PHC3: variants seen among roughly 807,000 people sequenced by gnomAD.
The protein encoded by PHC3 is polyhomeotic-like protein 3.
In PHC3, 13 loss-of-function variants were observed where a neutral mutation model predicts 107.4. The observed-to-expected ratio is 0.12, with a 90% CI of 0.08 to 0.19. PHC3 has a LOEUF of 0.19. Ranked by LOEUF, PHC3 falls within the 10% of genes least tolerant of loss-of-function variation. The pLI is 1.00. For synonymous variants in PHC3, 456 were observed against 427.4 expected (o/e 1.07, Z -0.83); for missense variants, 992 against 1,210.9 (o/e 0.82, Z 2.68).
chr3:170,127,854 A>G (rs1215843965), intron 8 of PHC3, among the ~76,000 whole-genome samples: 1 of 152,186 alleles, frequency 6.6e-6, no homozygotes, highest in East Asian at 1.9e-4. Flanking sequence ...ATGTTTAAAG[A>G]AAAGTATTTT....
chr3:170,116,486 A>G (rs146459255), intron 10 of PHC3, among the ~76,000 whole-genome samples: 1,853 of 152,154 alleles, frequency 0.012, 40 homozygotes, highest in African/African-American at 0.042. Context: ...AGAATCACCT[A>G]AACCTGGGAG....
chr3:170,109,022 A>G (rs1238067183), intron 11 of PHC3, among the ~76,000 whole-genome samples: 1 of 152,208 alleles, frequency 6.6e-6, no homozygotes, highest in Non-Finnish European at 1.5e-5. Context: ...GAAGCGAGGG[A>G]CATTAACAGA....
intron 3 of PHC3, among the ~76,000 whole-genome samples, chr3:170,171,964 A>G (rs1370565261): frequency 6.6e-6 from 1 of 152,220 alleles, no homozygotes; most frequent in Non-Finnish European, 1.5e-5. Context: ...ATAGTACAAT[A>G]GTAACAAAAA....
intron 2 of PHC3, among the ~76,000 whole-genome samples, chr3:170,175,825 G>A (rs1300548292): frequency 4.0e-5 from 6 of 151,898 alleles, no homozygotes; most frequent in African/African-American, 1.5e-4. Flanking sequence ...TCAGGAGGCT[G>A]AGGCAGGAGA....
chr3:170,098,465 G>A (rs1387713031), intron 14 of PHC3, among the ~76,000 whole-genome samples: 2 of 152,136 alleles, frequency 1.3e-5, no homozygotes, highest in South Asian at 4.1e-4. Context: ...AATTTTGCTA[G>A]TTCAATTATC....
chr3:170,131,067 A>G (rs1354560760), intron 7 of PHC3, among the ~76,000 whole-genome samples: 1 of 152,016 alleles, frequency 6.6e-6, no homozygotes, highest in Non-Finnish European at 1.5e-5. Flanking sequence ...AATTTTTGGA[A>G]TCCTTTAAAG....
At chr3:170,147,147 G>C in intron 5 of PHC3, 1 of 152,200 alleles carries the variant, frequency 6.6e-6, no homozygotes, top group East Asian at 1.9e-4. Context: ...TGGGATTACA[G>C]GCATGAGCCA....
chr3:170,101,376 T>C (rs1715448866), intron 14 of PHC3, among the ~76,000 whole-genome samples: 1 of 152,224 alleles, frequency 6.6e-6, no homozygotes, highest in African/African-American at 2.4e-5. Context: ...TTCCTAAATA[T>C]ATTTTCTTGT....
At chr3:170,168,683 G>A (rs1418084257) in intron 4 of PHC3, among the ~76,000 whole-genome samples, 1 of 151,254 alleles carries the variant, frequency 6.6e-6, no homozygotes, top group Non-Finnish European at 1.5e-5. Context: ...GAACTCGGGA[G>A]GCGGAGCTTG....
rs1714814534 is a variant in PHC3 at position 170,097,710 on chromosome 3, C to T, written c.2834-326G>A. ...TATGGTGTTACCTCAAAGCATGCCA[C>T]ATAACAGGTTTGGGTTAACTAGTTA... is the stretch of plus-strand genomic sequence containing the variant. On this transcript the variant is annotated intron_variant, in intron 14 of 14. Transcript: ENST00000495893. The surrounding 1 kb of genome is among the most constrained non-coding windows in gnomAD (Gnocchi z 4.1). Among the ~76,000 whole-genome samples the T allele has an allele frequency of 6.6e-6, 1 of 152,162 alleles. No homozygotes were observed. Among genetic ancestry groups the T allele is most frequent in the Admixed American group, 6.5e-5 (1 of 15,276 alleles).
At chr3:170,123,941 G>T (rs1720855333) in intron 8 of PHC3, among the ~76,000 whole-genome samples, 1 of 151,826 alleles carries the variant, frequency 6.6e-6, no homozygotes, top group Non-Finnish European at 1.5e-5. Context: ...CTGCCTCCTG[G>T]GTTCAAGCGA....
chr3:170,134,126 A>G (rs1335410493), intron 7 of PHC3, among the ~76,000 whole-genome samples: 1 of 152,012 alleles, frequency 6.6e-6, no homozygotes, highest in African/African-American at 2.4e-5. Context: ...TACAGAGAGC[A>G]GCGCCTAGCA....
chr3:170,100,505 T>C (rs1715298305), intron 14 of PHC3, among the ~76,000 whole-genome samples: 1 of 152,134 alleles, frequency 6.6e-6, no homozygotes, highest in African/African-American at 2.4e-5. Flanking sequence ...ATTTCATAAG[T>C]AAAGAAGAGA....
rs1721830178 is a variant in PHC3 at position 170,129,107 on chromosome 3, C to G, written c.1365G>C (p.Gln455His). The change falls in exon 8 of 15, where the codon CAG (glutamine) becomes CAC (histidine). Residue 455 changes from glutamine (Q) to histidine (H), a missense_variant. Around this residue, in one of 6 missense-constraint regions of PHC3, gnomAD observed 543 missense variants for 590.8 expected, o/e 0.92. Transcript: ENST00000495893. Reference protein sequence around the residue: ...GPNLQQSTANQVQATAQLNLP... With the variant: ...GPNLQQSTANHVQATAQLNLP... Reference sequence around the variant, plus strand: ...GATTCAACTGTGCTGTAGCTTGCACCTGATTAGCAGTGGACTGCTGCAAAT... The same window carrying G: ...GATTCAACTGTGCTGTAGCTTGCACGTGATTAGCAGTGGACTGCTGCAAAT... 6.2e-7 allele frequency: 1 copy of G among 1,612,776 alleles called. No homozygotes were observed. Among genetic ancestry groups the G allele is most frequent in the African/African-American group, 1.3e-5 (1 of 74,882 alleles).
intron 4 of PHC3, among the ~76,000 whole-genome samples, chr3:170,160,545 A>G (rs1189779123): frequency 1.3e-5 from 2 of 152,218 alleles, no homozygotes; most frequent in Non-Finnish European, 2.9e-5. Context: ...AAACTCTACT[A>G]TAACTCAATC....
intron 7 of PHC3, among the ~76,000 whole-genome samples, chr3:170,136,049 T>C (rs756958947): frequency 6.6e-6 from 1 of 152,200 alleles, no homozygotes; most frequent in Non-Finnish European, 1.5e-5. Context: ...TGATAACAAC[T>C]TTAAACAAAA....
chr3:170,151,220 T>C (rs1312390282), intron 4 of PHC3, among the ~76,000 whole-genome samples: 1 of 151,904 alleles, frequency 6.6e-6, no homozygotes, highest in East Asian at 1.9e-4. Flanking sequence ...CAAATACTAG[T>C]AATAATAATA....
chr3:170,129,827 G>C (rs1021847357), intron 7 of PHC3, among the ~76,000 whole-genome samples: 2 of 152,080 alleles, frequency 1.3e-5, no homozygotes, highest in Non-Finnish European at 2.9e-5. Context: ...TGCCTCCGGA[G>C]TAGCTGGGAT....
At chr3:170,115,877 TCACACA>T (rs148039100) in intron 10 of PHC3, among the ~76,000 whole-genome samples, 43 of 148,572 alleles carry the variant, frequency 2.9e-4, no homozygotes, top group African/African-American at 8.2e-4. Flanking sequence ...TCCAAGTTTC[TCACACA>T]CACACACACA....
Sources: allele counts gnomAD v4.1 joint callset (sites outside exome capture counted in the v4.1 genomes callset), GRCh38; gene constraint gnomAD v4.1.1; regional missense constraint gnomAD v4.1.1; non-coding constraint Gnocchi (gnomAD v3.1); transcripts MANE v1.5; gene names NCBI Gene and HGNC (gene_info 2026-07-23, HGNC 2026-07-21).